ZNF277: variants seen among roughly 807,000 people sequenced by gnomAD.
The protein encoded by ZNF277 is nuclear receptor-interacting factor 4.
Under a neutral mutation model 60.7 loss-of-function variants are expected in ZNF277, and 55 were observed. The ratio of observed to expected loss-of-function variants is 0.91; its 90% CI spans 0.73 to 1.13. The LOEUF is 1.13. ZNF277 is among the 50% of genes most tolerant of loss of function. ZNF277 has a pLI of 0.00. For missense variants in ZNF277, 510 were observed against 523.0 expected, an observed-to-expected ratio of 0.98 and a Z score of 0.24; for synonymous variants, 178 against 179.3, an observed-to-expected ratio of 0.99 and a Z score of 0.06.
At chr7:112,260,449 A>G (rs1563207209) in intron 1 of ZNF277, among the ~76,000 whole-genome samples, 1 of 152,162 alleles carries the variant, frequency 6.6e-6, no homozygotes, top group Non-Finnish European at 1.5e-5. Context: ...TTTTTCATTT[A>G]GCAATATGTT....
In ZNF277 at chr7:112,342,838, G is replaced by T; in HGVS notation, c.*109G>T. 1.1e-6 allele frequency: 1 copy of T among 882,968 alleles called. No homozygotes were observed. The highest frequency in any genetic ancestry group is 3.9e-4 in the Middle Eastern group (1 of 2,538). The allele number at this position is 882,968 out of a possible 1,614,324, so 54.7% of individuals were successfully genotyped here. ...TAAATTTGAACATCAACAAAAGATT[G>T]GTCCTTGGTGAAATAAACTTTTCAA... On this transcript the variant is annotated 3_prime_UTR_variant, in exon 12 of 12. Coordinates refer to ENST00000361822, the MANE Select transcript of ZNF277 (RefSeq NM_021994.3).
chr7:112,267,474 A>G (rs1336198822), intron 1 of ZNF277, among the ~76,000 whole-genome samples: 1 of 152,152 alleles, frequency 6.6e-6, no homozygotes, highest in Non-Finnish European at 1.5e-5. Context: ...GAAAGGTATT[A>G]TTTCTTAAAT....
At chr7:112,315,236 G>A (rs900299685) in intron 4 of ZNF277, among the ~76,000 whole-genome samples, 6 of 152,094 alleles carry the variant, frequency 3.9e-5, no homozygotes, top group African/African-American at 1.4e-4. Flanking sequence ...ACATATTTGA[G>A]TTAATTTTAT....
At chr7:112,224,059 C>T (rs1024098547) in intron 1 of ZNF277, among the ~76,000 whole-genome samples, 2 of 152,066 alleles carry the variant, frequency 1.3e-5, no homozygotes, top group African/African-American at 2.4e-5. Context: ...GCAGAGTATG[C>T]CATAGAGATT....
chr7:112,206,722 T>G lies in ZNF277; in HGVS notation c.6T>G (p.Ala2=). M[A]ASKTQGAVAR... is the part of the protein sequence containing the mutation. ...CTTTTCTTTTCTGCCGGGTAATGGC[T>G]GCTTCCAAGACCCAGGGGGCTGTCG... Residue 2 remains alanine (A), a synonymous_variant, in exon 1 of 12, where the codon GCT becomes GCG. Transcript: ENST00000361822. 1.2e-6 allele frequency: 2 copies of G among 1,613,390 alleles called. No individual in the cohort carries two copies. Among genetic ancestry groups the G allele is most frequent in the Non-Finnish European group, 1.7e-6 (2 of 1,179,756 alleles).
intron 2 of ZNF277, among the ~76,000 whole-genome samples, chr7:112,290,339 ATCTC>A (rs753743464): frequency 2.0e-5 from 3 of 152,092 alleles, no homozygotes; most frequent in Admixed American, 6.6e-5. Context: ...GTACTAATCA[ATCTC>A]TCTATTTGTA....
chr7:112,306,016 G>C (rs1792580850), intron 4 of ZNF277, among the ~76,000 whole-genome samples: 1 of 151,976 alleles, frequency 6.6e-6, no homozygotes, highest in African/African-American at 2.4e-5. Flanking sequence ...GTATCAACAG[G>C]ACAGACCTTT....
chr7:112,303,578 A>G (rs1269039829), intron 4 of ZNF277, among the ~76,000 whole-genome samples: 1 of 151,978 alleles, frequency 6.6e-6, no homozygotes, highest in East Asian at 1.9e-4. Context: ...GTATTTTGCA[A>G]TCTCCCATGC....
intron 1 of ZNF277, among the ~76,000 whole-genome samples, chr7:112,277,122 C>G (rs1791819920): frequency 7.9e-6 from 1 of 127,132 alleles, no homozygotes; most frequent in South Asian, 2.5e-4. Context: ...CTCCCTCTGT[C>G]GCCCAGGCTG....
rs140254506 is a variant in ZNF277 at position 112,271,215 on chromosome 7, G to A, written c.92-15658G>A. Among the ~76,000 whole-genome samples the A allele has an allele frequency of 5.3e-4, 81 of 152,136 alleles. 1 individual carries two copies. Among genetic ancestry groups the A allele is most frequent in the African/African-American group, 1.7e-3 (72 of 41,522 alleles). ...AGACAACCTATTCTTTCAGAGATAC[G>A]AGATTTCTATCACCTTTTGGATTTA... is the stretch of plus-strand genomic sequence containing the variant. On this transcript the variant is annotated intron_variant, in intron 1 of 11. Coordinates refer to ENST00000361822, the MANE Select transcript of ZNF277 (RefSeq NM_021994.3).
intron 5 of ZNF277, among the ~76,000 whole-genome samples, chr7:112,321,465 C>A (rs1411289168): frequency 6.6e-6 from 1 of 151,978 alleles, no homozygotes; most frequent in Non-Finnish European, 1.5e-5. Flanking sequence ...CTGCTTTATA[C>A]AATTATCTTT....
chr7:112,322,239 T>C (rs1338959675), intron 5 of ZNF277, among the ~76,000 whole-genome samples: 1 of 147,886 alleles, frequency 6.8e-6, no homozygotes, highest in Admixed American at 6.7e-5. Flanking sequence ...TTTCTTTAAA[T>C]GTTGTTTCTG....
intron 1 of ZNF277, among the ~76,000 whole-genome samples, chr7:112,241,769 G>A (rs115173792): frequency 5.8e-4 from 89 of 152,168 alleles, no homozygotes; most frequent in African/African-American, 1.9e-3. Context: ...CAAACCACAT[G>A]TTCTCACTCA....
intron 1 of ZNF277, among the ~76,000 whole-genome samples, chr7:112,261,777 C>G (rs753201756): frequency 6.6e-6 from 1 of 152,246 alleles, no homozygotes; most frequent in Middle Eastern, 3.4e-3. Flanking sequence ...AGCCTCTAGT[C>G]AAAGCTCTTG....
At chr7:112,291,002 G>A (rs1286776550) in intron 2 of ZNF277, among the ~76,000 whole-genome samples, 1 of 152,064 alleles carries the variant, frequency 6.6e-6, no homozygotes, top group Non-Finnish European at 1.5e-5. Context: ...TTACCTTGTG[G>A]TTTACAAGAA....
At chr7:112,250,180 A>G (rs1031896499) in intron 1 of ZNF277, among the ~76,000 whole-genome samples, 11 of 152,070 alleles carry the variant, frequency 7.2e-5, no homozygotes, top group African/African-American at 2.2e-4. Flanking sequence ...CTCAACTCTT[A>G]TGGTCGAGAC....
intron 1 of ZNF277, among the ~76,000 whole-genome samples, chr7:112,207,966 G>T (rs1203515267): frequency 6.6e-6 from 1 of 152,048 alleles, no homozygotes; most frequent in Non-Finnish European, 1.5e-5. Flanking sequence ...TTTTTGGGTT[G>T]GTTATATATT....
chr7:112,231,143 G>A (rs913270639), intron 1 of ZNF277, among the ~76,000 whole-genome samples: 2 of 151,538 alleles, frequency 1.3e-5, no homozygotes, highest in Non-Finnish European at 2.9e-5. Flanking sequence ...GAACCCGGGA[G>A]GCGGAGGTTG....
chr7:112,330,676 T>C (rs1207264605), intron 7 of ZNF277, among the ~76,000 whole-genome samples: 1 of 150,362 alleles, frequency 6.7e-6, no homozygotes, highest in Non-Finnish European at 1.5e-5. Flanking sequence ...GCAATTCTCC[T>C]GCCTCAGCCT....
Sources: allele counts gnomAD v4.1 joint callset (sites outside exome capture counted in the v4.1 genomes callset), GRCh38; gene constraint gnomAD v4.1.1; transcripts MANE v1.5; gene names NCBI Gene and HGNC (gene_info 2026-07-23, HGNC 2026-07-21).